The following LRRC71 variants were observed in gnomAD, a reference collection of about 807,000 sequenced individuals.
LRRC71 encodes leucine rich repeat containing 71.
LRRC71 carries 54 observed loss-of-function variants against 66.6 expected under a neutral mutation model. The observed-to-expected ratio is 0.81, with a 90% CI of 0.65 to 1.02. LRRC71 has a LOEUF of 1.02. LRRC71 is among the 50% of genes least tolerant of loss of function. LRRC71 has a pLI of 0.00. For missense variants in LRRC71, 724 were observed against 718.0 expected (o/e 1.01, Z -0.10); for synonymous variants, 323 against 303.9 (o/e 1.06, Z -0.65).
chr1:156,930,826 G>C (rs1053551193), intron 12 of LRRC71, among the ~76,000 whole-genome samples: 2 of 152,184 alleles, frequency 1.3e-5, no homozygotes, highest in Non-Finnish European at 2.9e-5. Context: ...GGAATAACAA[G>C]AGCAGACCCC....
chr1:156,929,466 G>A (rs964239660), intron 10 of LRRC71, 37 bp downstream of exon 10: 18 of 1,612,568 alleles, frequency 1.1e-5, no homozygotes, highest in African/African-American at 2.7e-5. Context: ...GGTGCTGGAC[G>A]GACAGGGGAG....
downstream of LRRC71, among the ~76,000 whole-genome samples, chr1:156,937,993 G>A (rs1241888796): frequency 6.6e-6 from 1 of 152,206 alleles, no homozygotes. Flanking sequence ...GGACGTGGAG[G>A]GTTCCTGACA....
At position 156,924,726 on chromosome 1, in the gene LRRC71, G is replaced by T. The variant is rs774834447; in HGVS notation, c.515+8G>T. 2.7e-5 allele frequency: 42 copies of T among 1,551,510 alleles called. No individual in the cohort carries two copies. In the South Asian group the frequency reaches 4.8e-4, roughly 18 times the overall value. ...CCAGCTACAGGCCATCAAGTGAGAGGCACTGAGGGGATGGGCGGGGGACCA... is the reference window on the plus strand; with the variant it reads ...CCAGCTACAGGCCATCAAGTGAGAGTCACTGAGGGGATGGGCGGGGGACCA... On this transcript the variant is annotated splice_region_variant and intron_variant, in intron 4 of 14. Transcript: ENST00000337428.
In LRRC71 at chr1:156,932,842, TTTC is replaced by T. The variant is rs1654596562; in HGVS notation, c.1564-8_1564-6del. 6.2e-7 allele frequency: 1 copy of T among 1,605,016 alleles called. No individual in the cohort carries two copies. The highest frequency in any genetic ancestry group is 2.2e-5 in the East Asian group (1 of 44,588). The stretch of plus-strand genomic sequence containing the variant: ...CCTCTTGTCAGATGTCAGCCTTCCT[TTTC>T]TTTTCAGAAAAATTGCTTCGCCCCA... On this transcript the variant is annotated splice_polypyrimidine_tract_variant and splice_region_variant and intron_variant, in intron 14 of 14. Transcript: ENST00000337428.
chr1:156,931,987 C>T lies in LRRC71; in HGVS notation c.1401C>T (p.Phe467=). The T allele has an allele frequency of 6.2e-7, 1 of 1,601,124 alleles. No homozygotes were observed. The highest frequency in any genetic ancestry group is 8.5e-7 in the Non-Finnish European group (1 of 1,173,672). Residue 467 remains phenylalanine, a synonymous_variant, in exon 13 of 15, where the codon TTC becomes TTT. Transcript: ENST00000337428. ...EPVEHRDGKV[F]MPGNKVLLHL... Reference sequence around the variant, plus strand: ...TGGAGCACCGAGATGGGAAAGTTTTCATGCCTGGGAACAAGGTCCTTTTGC... The same window carrying T: ...TGGAGCACCGAGATGGGAAAGTTTTTATGCCTGGGAACAAGGTCCTTTTGC...
downstream of LRRC71, chr1:156,936,704 A>G (rs1434464628): frequency 1.6e-6 from 2 of 1,261,572 alleles, no homozygotes; most frequent in East Asian, 4.7e-5. Flanking sequence ...GTTTCACTCA[A>G]GGGGAAACCA....
In LRRC71 at chr1:156,920,923, C is replaced by A. The variant is rs1005755045; in HGVS notation, c.120C>A (p.Thr40=). Residue 40 remains threonine (T), a synonymous_variant, in exon 1 of 15, where the codon ACC becomes ACA. Coordinates refer to ENST00000337428, the MANE Select transcript of LRRC71 (RefSeq NM_144702.3). This position sits in a 1 kb window ranked among gnomAD's most constrained non-coding sequence, Gnocchi z 4.9. ...GCGCGGCCAAAGAGAAGCCAGCGAC[C>A]GTTCTGCCTCCCGTGGGGGAGGAGG... ...GERAAKEKPA[T]VLPPVGEEEP... is the part of the protein sequence containing the mutation. The A allele has an allele frequency of 1.2e-5, 18 of 1,539,966 alleles. No individual in the cohort carries two copies. In the Admixed American group the frequency reaches 1.4e-4, roughly 12 times the overall value.
chr1:156,940,090 C>T, the LRRC71 span: 1 of 1,409,260 alleles, frequency 7.1e-7, no homozygotes, highest in East Asian at 2.4e-5. Flanking sequence ...GCATCCATCT[C>T]TCCTCAAGCA....
At chr1:156,927,378 G>C (rs1329144622) in intron 6 of LRRC71, 108 bp downstream of exon 6, 1 of 1,525,822 alleles carries the variant, frequency 6.6e-7, no homozygotes, top group Non-Finnish European at 8.9e-7. Context: ...AAGGGCCCTC[G>C]ATTTCTGCCC....
chr1:156,926,795 C>T (rs183102792), intron 5 of LRRC71, among the ~76,000 whole-genome samples: 1 of 152,252 alleles, frequency 6.6e-6, no homozygotes, highest in East Asian at 1.9e-4. Context: ...AGGCTGGTCT[C>T]GAACTCCTGA....
rs1208143787 is a variant in LRRC71 at position 156,920,761 on chromosome 1, C to G, written c.-43C>G. 1.5e-5 allele frequency: 22 copies of G among 1,467,834 alleles called. No individual in the cohort carries two copies. In the East Asian group the frequency reaches 5.7e-4, roughly 38 times the overall value. 90.9% of individuals were successfully genotyped at this position (1,467,834 alleles called of 1,614,324 possible). On this transcript the variant is annotated 5_prime_UTR_variant, in exon 1 of 15. Transcript: ENST00000337428. This position sits in a 1 kb window ranked among gnomAD's most constrained non-coding sequence, Gnocchi z 4.9. ...CCCCGTAGAGTGCGTTCTTACCTTC[C>G]TGCCCCGACGAAGGTCCCAGAGACG...
rs1558161569 is a variant in LRRC71, at chr1:156,920,660, C to T, written c.-144C>T. On this transcript the variant is annotated 5_prime_UTR_variant, in exon 1 of 15. In the 5' UTR this introduces an upstream ATG that the reference lacks. Coordinates refer to ENST00000337428, the MANE Select transcript of LRRC71 (RefSeq NM_144702.3). This position sits in a 1 kb window ranked among gnomAD's most constrained non-coding sequence, Gnocchi z 4.9. ...GTCTTGGAGAGGGACGCGTAGGCTACGCCACCGCGGACGGGTCGGATCCGG... is the reference window on the plus strand; with the variant it reads ...GTCTTGGAGAGGGACGCGTAGGCTATGCCACCGCGGACGGGTCGGATCCGG... 6 of 1,048,660 alleles carry T rather than the reference C, an allele frequency of 5.7e-6. No individual in the cohort carries two copies. Among genetic ancestry groups the T allele is most frequent in the East Asian group, 3.2e-5 (1 of 31,164 alleles). The allele number at this position is 1,048,660 out of a possible 1,614,324, so 65.0% of individuals were successfully genotyped here.
At chr1:156,923,835 T>C in intron 1 of LRRC71, 114 bp from the exon 2 acceptor site, 1 of 1,144,216 alleles carries the variant, frequency 8.7e-7, no homozygotes, top group Non-Finnish European at 1.2e-6. Flanking sequence ...CGTTTGCAAG[T>C]TGAATGGCTG....
chr1:156,931,400 C>T (rs149673030), intron 12 of LRRC71, among the ~76,000 whole-genome samples: 1 of 152,290 alleles, frequency 6.6e-6, no homozygotes, highest in Non-Finnish European at 1.5e-5. Flanking sequence ...CATTTTTCAT[C>T]TCTGCCTCTG....
intron 14 of LRRC71, 144 bp from the exon 15 acceptor site, chr1:156,932,709 G>T (rs1295966035): frequency 1.3e-6 from 2 of 1,546,660 alleles, no homozygotes; most frequent in African/African-American, 2.7e-5. Flanking sequence ...CCTCTTGCTG[G>T]AAAATCAGCA....
chr1:156,927,759 C>G lies in LRRC71; in HGVS notation c.849C>G (p.Leu283=), dbSNP rs1438317291. Residue 283 remains leucine (L), a synonymous_variant, in exon 8 of 15, where the codon CTC becomes CTG. Transcript: ENST00000337428. The stretch of plus-strand genomic sequence containing the variant: ...GCCTCCGGCTGAACCGTTCCCTGCT[C>G]TGGCTGTCCCTGGCCCACAACCGCA... ...ADGLRLNRSL[L]WLSLAHNRIQ... The G allele has an allele frequency of 1.2e-6, 2 of 1,611,322 alleles. No individual in the cohort carries two copies. Among genetic ancestry groups the G allele is most frequent in the Non-Finnish European group, 1.7e-6 (2 of 1,179,760 alleles).
chr1:156,939,510 G>T, the LRRC71 span: 9 of 1,603,742 alleles, frequency 5.6e-6, no homozygotes, highest in Non-Finnish European at 7.6e-6. Flanking sequence ...CCTAGCAAGG[G>T]TGCTTGTCTC....
chr1:156,920,936 G>A lies in LRRC71; in HGVS notation c.133G>A (p.Val45Met), dbSNP rs756765835. ...KEKPATVLPPVGEEEPKSPEE... is the reference protein window; with the variant it reads ...KEKPATVLPPMGEEEPKSPEE... The stretch of plus-strand genomic sequence containing the variant: ...GAAGCCAGCGACCGTTCTGCCTCCC[G>A]TGGGGGAGGAGGAGCCCAAAAGCCC... Residue 45 changes from valine to methionine, a missense_variant, in exon 1 of 15, where the codon GTG becomes ATG. Physicochemically the swap from Val to Met is conservative, Grantham distance 21. Transcript: ENST00000337428. The surrounding 1 kb of genome is among the most constrained non-coding windows in gnomAD (Gnocchi z 4.9). 14 of 1,537,056 alleles carry A rather than the reference G, an allele frequency of 9.1e-6. No homozygotes were observed. Among genetic ancestry groups the A allele is most frequent in the African/African-American group, 2.8e-5 (2 of 72,414 alleles).
downstream of LRRC71, chr1:156,936,730 T>A: frequency 7.0e-7 from 1 of 1,429,728 alleles, no homozygotes; most frequent in Non-Finnish European, 9.5e-7. Flanking sequence ...AGAACCACCA[T>A]CTCTCACTGC....
Sources: allele counts gnomAD v4.1 joint callset (sites outside exome capture counted in the v4.1 genomes callset), GRCh38; gene constraint gnomAD v4.1.1; non-coding constraint Gnocchi (gnomAD v3.1); transcripts MANE v1.5; gene names NCBI Gene and HGNC (gene_info 2026-07-23, HGNC 2026-07-21).